The following IL1RAPL1 variants were observed in gnomAD, a reference collection of about 807,000 sequenced individuals.
The protein encoded by IL1RAPL1 is interleukin-1 receptor accessory protein-like 1.
IL1RAPL1 carries 3 observed loss-of-function variants against 48.4 expected under a neutral mutation model. The ratio of observed to expected loss-of-function variants is 0.06; its 90% CI spans 0.03 to 0.16. IL1RAPL1 has a LOEUF of 0.16. IL1RAPL1 is among the 10% of genes least tolerant of loss of function. The probability of loss-of-function intolerance (pLI) is 1.00; values close to 1 mark genes in which losing one functional copy is unlikely to be tolerated. For missense variants in IL1RAPL1, 349 were observed against 530.6 expected (o/e 0.66, Z 3.36); for synonymous variants, 185 against 187.7 (o/e 0.99, Z 0.12).
At chrX:28,796,524 T>C (rs1161560929) in intron 2 of IL1RAPL1, among the ~76,000 whole-genome samples, 1 of 112,026 alleles carries the variant, frequency 8.9e-6, no homozygotes, top group Non-Finnish European at 1.9e-5. Context: ...ACAGGCCCCA[T>C]GCAAGTCCAA....
chrX:29,758,182 C>T (rs921487810), intron 6 of IL1RAPL1, among the ~76,000 whole-genome samples: 3 of 112,137 alleles, frequency 2.7e-5, no homozygotes, highest in Non-Finnish European at 3.8e-5. Context: ...ATTCTTTCTT[C>T]TGGCAGAAAT....
intron 5 of IL1RAPL1, among the ~76,000 whole-genome samples, chrX:29,562,123 T>TA (rs1922250262): frequency 3.9e-5 from 2 of 51,213 alleles, no homozygotes; most frequent in Admixed American, 2.4e-4. Flanking sequence ...CTAATCTATC[T>TA]ATCTATCTAT....
chrX:29,429,287 A>G (rs916877417), intron 5 of IL1RAPL1, among the ~76,000 whole-genome samples: 1 of 112,155 alleles, frequency 8.9e-6, no homozygotes, highest in Non-Finnish European at 1.9e-5. Flanking sequence ...ACCTGAGAGT[A>G]GGATCCTCAA....
At chrX:29,868,024 G>A (rs954515654) in intron 6 of IL1RAPL1, among the ~76,000 whole-genome samples, 1 of 111,936 alleles carries the variant, frequency 8.9e-6, no homozygotes, top group Non-Finnish European at 1.9e-5. Context: ...TATCATTCAG[G>A]GTAGCTTGTA....
At chrX:28,987,482 A>G (rs373167141) in intron 2 of IL1RAPL1, among the ~76,000 whole-genome samples, 6 of 111,851 alleles carry the variant, frequency 5.4e-5, no homozygotes, top group South Asian at 7.4e-4. Context: ...AAGGAAAGCA[A>G]TACATATGAA....
intron 6 of IL1RAPL1, among the ~76,000 whole-genome samples, chrX:29,754,517 T>A (rs1313039710): frequency 8.9e-6 from 1 of 111,981 alleles, no homozygotes; most frequent in African/African-American, 3.2e-5. Flanking sequence ...GCTTCCCAAG[T>A]GTGTTTTTTT....
intron 5 of IL1RAPL1, among the ~76,000 whole-genome samples, chrX:29,574,999 T>C (rs775267096): frequency 8.9e-6 from 1 of 111,809 alleles, no homozygotes; most frequent in Non-Finnish European, 1.9e-5. Context: ...TGGGTTTCAT[T>C]GTCCATATCA....
chrX:29,413,316 G>A (rs1411007033), intron 5 of IL1RAPL1, among the ~76,000 whole-genome samples: 1 of 111,771 alleles, frequency 8.9e-6, no homozygotes, highest in Non-Finnish European at 1.9e-5. Context: ...ACTAATACAC[G>A]TGGTTTGTTT....
At chrX:29,641,826 G>C (rs1198198456) in intron 5 of IL1RAPL1, among the ~76,000 whole-genome samples, 1 of 112,220 alleles carries the variant, frequency 8.9e-6, no homozygotes. Context: ...TAGCTCTTCA[G>C]TGGAAAAATC....
At chrX:29,117,035 C>T (rs1245616538) in intron 2 of IL1RAPL1, among the ~76,000 whole-genome samples, 1 of 111,265 alleles carries the variant, frequency 9.0e-6, no homozygotes, top group Non-Finnish European at 1.9e-5. Flanking sequence ...CAGTGTCAAA[C>T]GATGCAGAAG....
intron 2 of IL1RAPL1, among the ~76,000 whole-genome samples, chrX:28,875,664 C>T (rs1344371340): frequency 2.7e-5 from 3 of 110,934 alleles, no homozygotes; most frequent in Admixed American, 9.6e-5. Context: ...GGCTTGGTGG[C>T]ATCCTCATGG....
At chrX:28,709,532 A>G (rs1005851732) in intron 1 of IL1RAPL1, among the ~76,000 whole-genome samples, 1 of 111,258 alleles carries the variant, frequency 9.0e-6, no homozygotes, top group African/African-American at 3.3e-5. Context: ...ACAGGAAAAA[A>G]AAATGTTCAG....
At chrX:29,379,052 G>C (rs1933659900) in intron 3 of IL1RAPL1, among the ~76,000 whole-genome samples, 1 of 112,351 alleles carries the variant, frequency 8.9e-6, no homozygotes, top group African/African-American at 3.2e-5. Context: ...GTTGCATACA[G>C]ATCTCAGCTT....
In IL1RAPL1 at chrX:29,018,167, C is replaced by G. The variant is rs768586607; in HGVS notation, c.82+228742C>G. ...GTGTGCCAATTTCTACATTTCCACT[C>G]TCATTGTTTTACTCTTTTGCTCTAG... On this transcript the variant is annotated intron_variant, in intron 2 of 10. Coordinates refer to ENST00000378993, the MANE Select transcript of IL1RAPL1 (RefSeq NM_014271.4). Among the ~76,000 whole-genome samples, 4 of 112,081 alleles carry G rather than the reference C, an allele frequency of 3.6e-5. No individual in the cohort carries two copies. The South Asian group carries it at 1.5e-3, about 41-fold the overall frequency.
intron 1 of IL1RAPL1, among the ~76,000 whole-genome samples, chrX:28,749,917 G>GA (rs201402373): frequency 2.2e-3 from 188 of 84,002 alleles, no homozygotes; most frequent in African/African-American, 9.7e-3. Flanking sequence ...AAAAAAGAAA[G>GA]AAAAAAAAAG....
chrX:29,757,059 C>T (rs150001146), intron 6 of IL1RAPL1, among the ~76,000 whole-genome samples: 2,785 of 111,814 alleles, frequency 0.025, 86 homozygotes, highest in African/African-American at 0.086. Flanking sequence ...ATCGTGGTTC[C>T]GCCAACACCT....
At chrX:28,674,253 T>A (rs1356040424) in intron 1 of IL1RAPL1, among the ~76,000 whole-genome samples, 13 of 106,606 alleles carry the variant, frequency 1.2e-4, no homozygotes, top group Admixed American at 6.1e-4. Context: ...AAGTAAGATT[T>A]AAAAAAAAAA....
intron 1 of IL1RAPL1, among the ~76,000 whole-genome samples, chrX:28,684,947 T>G (rs1935096099): frequency 8.9e-6 from 1 of 111,812 alleles, no homozygotes; most frequent in African/African-American, 3.3e-5. Flanking sequence ...CTCCAAAGGC[T>G]CTTTCCTTGT....
intron 2 of IL1RAPL1, among the ~76,000 whole-genome samples, chrX:29,135,629 G>A (rs1049066939): frequency 8.9e-6 from 1 of 112,352 alleles, no homozygotes; most frequent in Admixed American, 9.5e-5. Context: ...CCTCATGATA[G>A]TAGCATGCCT....
Sources: gnomAD v4.1 joint callset for allele counts (sites outside exome capture counted in the v4.1 genomes callset) on GRCh38, gnomAD v4.1.1 for gene constraint, MANE v1.5 for transcripts, NCBI Gene and HGNC (gene_info 2026-07-23, HGNC 2026-07-21) for gene names.